The following KSR2 variants were observed in gnomAD, a reference collection of about 807,000 sequenced individuals.
The protein encoded by KSR2 is kinase suppressor of ras 2.
Under a neutral mutation model 107.8 loss-of-function variants are expected in KSR2, and 25 were observed. The observed-to-expected ratio is 0.23, with a 90% CI of 0.17 to 0.32. The LOEUF is 0.32. KSR2 is among the 10% of genes least tolerant of loss of function. The pLI, the probability that KSR2 is intolerant of heterozygous loss-of-function variation, is 1.00. For synonymous variants in KSR2, 480 were observed against 507.0 expected, an observed-to-expected ratio of 0.95 and a Z score of 0.71; for missense variants, 887 against 1,268.9, an observed-to-expected ratio of 0.70 and a Z score of 4.57.
intron 3 of KSR2, among the ~76,000 whole-genome samples, chr12:117,830,520 A>C (rs1891922697): frequency 6.6e-6 from 1 of 152,172 alleles, no homozygotes; most frequent in Non-Finnish European, 1.5e-5. Flanking sequence ...GAAATTATTA[A>C]AAATTAAATT....
Position 117,670,386 on chromosome 12 carries a change from T to C in KSR2, c.987-2728A>G, listed in dbSNP as rs555358813. On this transcript the variant is annotated intron_variant, in intron 4 of 19. Transcript: ENST00000339824. The stretch of plus-strand genomic sequence containing the variant: ...GCTGTTATTATCTTCTCTCCAATGA[T>C]GAGGACACCAAAGCAATGAGAAGAT... Among the ~76,000 whole-genome samples the C allele has an allele frequency of 4.6e-5, 7 of 152,274 alleles. No homozygotes were observed. In the South Asian group the frequency reaches 1.5e-3, roughly 32 times the overall value.
intron 5 of KSR2, among the ~76,000 whole-genome samples, chr12:117,656,348 G>A (rs7302485): frequency 0.039 from 5,863 of 152,258 alleles, 255 homozygotes; most frequent in East Asian, 0.24. Context: ...GGTGGCTCAC[G>A]CCTGTAATCT....
chr12:117,596,692 C>T (rs1014987168), intron 5 of KSR2, among the ~76,000 whole-genome samples: 1 of 152,118 alleles, frequency 6.6e-6, no homozygotes, highest in Non-Finnish European at 1.5e-5. Context: ...TCTAATGTGG[C>T]AATTTAAAAA....
At chr12:117,870,371 C>T (rs1432663643) in intron 1 of KSR2, among the ~76,000 whole-genome samples, 3 of 152,080 alleles carry the variant, frequency 2.0e-5, no homozygotes, top group Non-Finnish European at 4.4e-5. Flanking sequence ...GAGACAGAGG[C>T]GGGTGGATCA....
chr12:117,578,326 G>C (rs1879410353), intron 7 of KSR2, among the ~76,000 whole-genome samples: 1 of 152,248 alleles, frequency 6.6e-6, no homozygotes, highest in South Asian at 2.1e-4. Context: ...AGGCACGGTG[G>C]CTCCCGCCTG....
chr12:117,868,308 C>T (rs1893541882), intron 1 of KSR2, among the ~76,000 whole-genome samples: 4 of 151,720 alleles, frequency 2.6e-5, no homozygotes, highest in African/African-American at 9.7e-5. Flanking sequence ...ATCTGTAGTC[C>T]CAGCTACTCA....
At chr12:117,717,003 G>C (rs1251944518) in intron 4 of KSR2, among the ~76,000 whole-genome samples, 3 of 152,142 alleles carry the variant, frequency 2.0e-5, no homozygotes, top group Non-Finnish European at 4.4e-5. Context: ...GACTTTTCAA[G>C]TCTATTGACT....
At chr12:117,730,085 G>A (rs1342513056) in intron 4 of KSR2, among the ~76,000 whole-genome samples, 1 of 152,204 alleles carries the variant, frequency 6.6e-6, no homozygotes. Context: ...TGCCATAGTA[G>A]CATGAATGCA....
intron 5 of KSR2, among the ~76,000 whole-genome samples, chr12:117,645,910 T>TGTGC (rs1883610481): frequency 3.6e-5 from 5 of 139,980 alleles, no homozygotes; most frequent in African/African-American, 1.2e-4. Context: ...TGTGTGTGTG[T>TGTGC]GTGTACAGCT....
intron 14 of KSR2, among the ~76,000 whole-genome samples, chr12:117,486,984 T>G (rs1274508575): frequency 6.6e-6 from 1 of 151,410 alleles, no homozygotes; most frequent in East Asian, 1.9e-4. Flanking sequence ...AGTGGCTGTG[T>G]GACCTTGGGT....
intron 3 of KSR2, among the ~76,000 whole-genome samples, chr12:117,843,473 T>A (rs187796228): frequency 6.6e-6 from 1 of 152,314 alleles, no homozygotes; most frequent in East Asian, 1.9e-4. Flanking sequence ...CTGGCACCCA[T>A]GCTTCCATGG....
At chr12:117,812,063 AG>A (rs201891625) in intron 3 of KSR2, among the ~76,000 whole-genome samples, 2,393 of 152,332 alleles carry the variant, frequency 0.016, 39 homozygotes, top group South Asian at 0.072. Flanking sequence ...GAAAAAAATA[AG>A]GTCCCAATGT....
chr12:117,880,390 G>A (rs865848305), intron 1 of KSR2, among the ~76,000 whole-genome samples: 3 of 152,080 alleles, frequency 2.0e-5, no homozygotes, highest in East Asian at 1.9e-4. Flanking sequence ...TATAGCCATC[G>A]TCTCATGGGG....
intron 14 of KSR2, among the ~76,000 whole-genome samples, chr12:117,508,467 G>T (rs1463583052): frequency 2.0e-5 from 3 of 152,206 alleles, no homozygotes; most frequent in East Asian, 3.9e-4. Flanking sequence ...GTGGATGGGT[G>T]CATGAATGGA....
chr12:117,726,352 T>C (rs1887425741), intron 4 of KSR2, among the ~76,000 whole-genome samples: 1 of 152,172 alleles, frequency 6.6e-6, no homozygotes, highest in Non-Finnish European at 1.5e-5. Flanking sequence ...CAAAACACGA[T>C]AACATTTCAT....
intron 1 of KSR2, among the ~76,000 whole-genome samples, chr12:117,945,033 G>T (rs573280095): frequency 6.6e-6 from 1 of 152,240 alleles, no homozygotes; most frequent in South Asian, 2.1e-4. Context: ...CATCCTAAAT[G>T]TGTACACACT....
chr12:117,949,973 C>CTT (rs55671719), intron 1 of KSR2, among the ~76,000 whole-genome samples: 1 of 146,304 alleles, frequency 6.8e-6, no homozygotes. Context: ...CTGCAATTTA[C>CTT]TTTTTTTTTT....
chr12:117,820,018 G>A lies in KSR2; in HGVS notation c.472+35410C>T, dbSNP rs188822640. 9.9e-4 allele frequency among the ~76,000 whole-genome samples: 151 copies of A among 151,770 alleles called. 1 individual carries two copies. The highest frequency in any genetic ancestry group is 2.7e-3 in the East Asian group (14 of 5,192). On this transcript the variant is annotated intron_variant, in intron 3 of 19. Transcript: ENST00000339824. ...TTTTTAAATATTGAAAAGACTCACC[G>A]GAAAATGCGAATATGAGCAAGATTA...
intron 5 of KSR2, among the ~76,000 whole-genome samples, chr12:117,590,690 T>G (rs1456547185): frequency 3.3e-5 from 5 of 152,168 alleles, no homozygotes; most frequent in Non-Finnish European, 7.3e-5. Context: ...TTCAACTCAT[T>G]GTCTAATTTT....
Sources: allele counts gnomAD v4.1 joint callset (sites outside exome capture counted in the v4.1 genomes callset), GRCh38; gene constraint gnomAD v4.1.1; transcripts MANE v1.5; gene names NCBI Gene and HGNC (gene_info 2026-07-23, HGNC 2026-07-21).